Variants in PKIB observed in about 807,000 individuals in gnomAD.
The protein encoded by PKIB is cAMP-dependent protein kinase inhibitor beta.
Under a neutral mutation model 4.5 loss-of-function variants are expected in PKIB, and 2 were observed. The ratio of observed to expected loss-of-function variants is 0.44; its 90% CI spans 0.18 to 1.39. The LOEUF (loss-of-function observed/expected upper bound fraction) is 1.39. Ranked by LOEUF, PKIB falls within the 40% of genes most tolerant of loss-of-function variation. PKIB has a pLI of 0.27. For missense variants in PKIB, 94 were observed against 92.6 expected (o/e 1.02, Z -0.06); for synonymous variants, 38 against 36.0 (o/e 1.06, Z -0.20).
chr6:122,697,501 A>G (rs1778624112), intron 3 of PKIB, among the ~76,000 whole-genome samples: 1 of 151,902 alleles, frequency 6.6e-6, no homozygotes, highest in Non-Finnish European at 1.5e-5. Flanking sequence ...TGCCAAAAAC[A>G]TGAACTTCGG....
At chr6:122,621,631 A>G (rs752276104) in intron 1 of PKIB, among the ~76,000 whole-genome samples, 2 of 152,244 alleles carry the variant, frequency 1.3e-5, no homozygotes, top group Non-Finnish European at 2.9e-5. Flanking sequence ...AAAGTGCAGC[A>G]TATGTTTAGG....
At chr6:122,613,964 A>G (rs527904908) in intron 1 of PKIB, among the ~76,000 whole-genome samples, 107 of 151,286 alleles carry the variant, frequency 7.1e-4, no homozygotes, top group African/African-American at 2.5e-3. Flanking sequence ...TCCATCAAAA[A>G]AAAAAAAAAA....
At chr6:122,564,377 T>C (rs1318327539) in intron 2 of PKIB, among the ~76,000 whole-genome samples, 1 of 152,110 alleles carries the variant, frequency 6.6e-6, no homozygotes, top group African/African-American at 2.4e-5. Context: ...TAGAATTCCA[T>C]CTCCTCTCTA....
intron 2 of PKIB, among the ~76,000 whole-genome samples, chr6:122,563,593 C>G (rs187911793): frequency 2.6e-5 from 4 of 151,976 alleles, no homozygotes; most frequent in Non-Finnish European, 5.9e-5. Context: ...GGGGGCAGGA[C>G]TAGGCATGTC....
intron 2 of PKIB, among the ~76,000 whole-genome samples, chr6:122,662,307 C>CTTTTT: frequency 6.9e-5 from 1 of 14,514 alleles, no homozygotes; most frequent in African/African-American, 1.8e-4. Context: ...TTCCTTGTCT[C>CTTTTT]CTTTTTTTTT....
chr6:122,584,812 C>T (rs534449411), intron 2 of PKIB, among the ~76,000 whole-genome samples: 4 of 151,970 alleles, frequency 2.6e-5, no homozygotes, highest in South Asian at 2.1e-4. Context: ...TGAGATAGGA[C>T]GTGGGATGCA....
At chr6:122,607,561 T>C (rs1774586708), upstream of PKIB, among the ~76,000 whole-genome samples, 2 of 152,096 alleles carry the variant, frequency 1.3e-5, no homozygotes, top group African/African-American at 4.8e-5. Context: ...GAACAGGTCA[T>C]AGACCCACGA....
intron 3 of PKIB, among the ~76,000 whole-genome samples, chr6:122,596,298 TCA>T (rs1433145261): frequency 6.6e-6 from 1 of 152,160 alleles, no homozygotes; most frequent in Non-Finnish European, 1.5e-5. Context: ...TCTTCCTCTG[TCA>T]ACTGATCATA....
At chr6:122,645,717 T>C (rs1431998907) in intron 2 of PKIB, among the ~76,000 whole-genome samples, 1 of 152,072 alleles carries the variant, frequency 6.6e-6, no homozygotes, top group Non-Finnish European at 1.5e-5. Flanking sequence ...AAGCAGAGAC[T>C]CTGTTAGGTG....
intron 1 of PKIB, among the ~76,000 whole-genome samples, chr6:122,617,302 T>A (rs1180854738): frequency 6.6e-6 from 1 of 152,190 alleles, no homozygotes; most frequent in Non-Finnish European, 1.5e-5. Context: ...TTTATTTATT[T>A]CCCTCAGGGA....
Position 122,673,106 on chromosome 6 carries a change from T to G in PKIB, c.-75-1972T>G, listed in dbSNP as rs543498023. 5.9e-5 allele frequency among the ~76,000 whole-genome samples: 9 copies of G among 152,218 alleles called. No individual in the cohort carries two copies. The East Asian group carries it at 1.7e-3, about 29-fold the overall frequency. On this transcript the variant is annotated intron_variant, in intron 2 of 4. Coordinates refer to ENST00000368452, the MANE Select transcript of PKIB (RefSeq NM_181795.3). ...GGAAAGAAGTGGAGAGGGAAAAACA[T>G]AACTATTTCACTCATTTTTTTTTAT...
intron 2 of PKIB, chr6:122,531,051 G>A (rs1331661723): frequency 6.6e-6 from 1 of 152,130 alleles, no homozygotes; most frequent in Non-Finnish European, 1.5e-5. Context: ...TAGCTTTCTA[G>A]TCTGCCATCT....
chr6:122,679,519 G>A (rs1777817216), intron 3 of PKIB, among the ~76,000 whole-genome samples: 3 of 152,148 alleles, frequency 2.0e-5, no homozygotes, highest in Admixed American at 6.5e-5. Context: ...AAGCTAGAGA[G>A]GCTGGTGATC....
At chr6:122,566,054 CT>C (rs147444833) in intron 2 of PKIB, among the ~76,000 whole-genome samples, 13 of 149,934 alleles carry the variant, frequency 8.7e-5, no homozygotes, top group African/African-American at 2.4e-4. Context: ...AAGAAGCTAT[CT>C]TTTTTTTTTC....
At chr6:122,574,449 C>T (rs1408535341) in intron 2 of PKIB, among the ~76,000 whole-genome samples, 1 of 151,990 alleles carries the variant, frequency 6.6e-6, no homozygotes. Context: ...GAGCCTATAG[C>T]CAAAGCAATA....
chr6:122,664,623 T>TGGACTCAA (rs1777145036), intron 2 of PKIB, among the ~76,000 whole-genome samples: 1 of 152,124 alleles, frequency 6.6e-6, no homozygotes, highest in Non-Finnish European at 1.5e-5. Context: ...TGTTGCAGGA[T>TGGACTCAA]GGACTCAAGC....
intron 1 of PKIB, among the ~76,000 whole-genome samples, chr6:122,615,779 A>T (rs1774956806): frequency 6.6e-6 from 1 of 152,128 alleles, no homozygotes; most frequent in South Asian, 2.1e-4. Context: ...AAGTTATGAA[A>T]CTGTAAACCA....
chr6:122,607,715 G>T (rs140639089), upstream of PKIB, among the ~76,000 whole-genome samples: 3,040 of 152,254 alleles, frequency 0.02, 41 homozygotes, highest in Non-Finnish European at 0.029. Context: ...TTTCTTCTAA[G>T]AATTATTTCC....
intron 2 of PKIB, among the ~76,000 whole-genome samples, chr6:122,551,874 C>CTTTTTTTT (rs61025863): frequency 8.0e-5 from 7 of 87,516 alleles, no homozygotes; most frequent in African/African-American, 3.0e-4. Context: ...CTTAGTACAT[C>CTTTTTTTT]TTTTTTTTTT....
Sources: gnomAD v4.1 joint callset for allele counts (sites outside exome capture counted in the v4.1 genomes callset) on GRCh38, gnomAD v4.1.1 for gene constraint, MANE v1.5 for transcripts, NCBI Gene and HGNC (gene_info 2026-07-23, HGNC 2026-07-21) for gene names.